The following ATP8A1 variants were observed in gnomAD, a reference collection of about 807,000 sequenced individuals.
The protein encoded by ATP8A1 is ATPase phospholipid transporting 8A1, also known as phospholipid-transporting ATPase IA.
ATP8A1 carries 90 observed loss-of-function variants against 177.7 expected under a neutral mutation model. The ratio of observed to expected loss-of-function variants is 0.51; its 90% CI spans 0.43 to 0.60. The LOEUF (loss-of-function observed/expected upper bound fraction) is 0.60. ATP8A1 is among the 20% of genes least tolerant of loss of function. ATP8A1 has a pLI of 0.00. For synonymous variants in ATP8A1, 493 were observed against 485.9 expected (o/e 1.01, Z -0.19); for missense variants, 1,072 against 1,392.8 (o/e 0.77, Z 3.67).
intron 10 of ATP8A1, among the ~76,000 whole-genome samples, chr4:42,580,962 A>C (rs1732973832): frequency 6.6e-6 from 1 of 152,232 alleles, no homozygotes; most frequent in Admixed American, 6.5e-5. Context: ...CTATTGCATT[A>C]AAATTACAAG....
intron 9 of ATP8A1, among the ~76,000 whole-genome samples, chr4:42,586,110 G>A (rs1272586395): frequency 6.6e-6 from 1 of 152,178 alleles, no homozygotes; most frequent in Non-Finnish European, 1.5e-5. Context: ...GAATATCTCT[G>A]AAAATATCCT....
rs1044278584 is a variant in ATP8A1, at chr4:42,619,182, T to C, written c.364-3104A>G. ...CTCACCAGTATGATTACTTGATTAG[T>C]GTCGATCTCTTCTATTGGATATAAG... On this transcript the variant is annotated intron_variant, in intron 4 of 36. Coordinates refer to ENST00000381668, the MANE Select transcript of ATP8A1 (RefSeq NM_006095.2). Among the ~76,000 whole-genome samples the C allele has an allele frequency of 4.6e-5, 7 of 152,148 alleles. No homozygotes were observed. In the South Asian group the frequency reaches 8.3e-4, roughly 18 times the overall value.
intron 33 of ATP8A1, among the ~76,000 whole-genome samples, chr4:42,439,127 A>C (rs969500780): frequency 2.0e-5 from 3 of 152,144 alleles, no homozygotes; most frequent in African/African-American, 7.2e-5. Flanking sequence ...AAGTTGCTGA[A>C]TTTGTATAAT....
chr4:42,483,852 T>C (rs1024677157), intron 25 of ATP8A1, among the ~76,000 whole-genome samples: 1 of 152,158 alleles, frequency 6.6e-6, no homozygotes, highest in Non-Finnish European at 1.5e-5. Context: ...GAAAGATACA[T>C]GAAGGAGAGC....
intron 14 of ATP8A1, among the ~76,000 whole-genome samples, chr4:42,571,358 T>C (rs1440960879): frequency 1.3e-5 from 2 of 152,296 alleles, no homozygotes; most frequent in African/African-American, 2.4e-5. Flanking sequence ...TTAATACGAA[T>C]TAAATGCCTT....
chr4:42,521,774 T>C (rs993687873), intron 22 of ATP8A1, among the ~76,000 whole-genome samples: 2 of 152,222 alleles, frequency 1.3e-5, no homozygotes, highest in Non-Finnish European at 2.9e-5. Context: ...TACAGTACTA[T>C]TTTATATTGC....
chr4:42,652,112 C>T (rs1741153119), intron 1 of ATP8A1, among the ~76,000 whole-genome samples: 1 of 152,310 alleles, frequency 6.6e-6, no homozygotes, highest in African/African-American at 2.4e-5. Context: ...TTCCAACTAC[C>T]TTTAAAACAT....
intron 22 of ATP8A1, among the ~76,000 whole-genome samples, chr4:42,513,984 T>G (rs1370808596): frequency 6.6e-6 from 1 of 152,218 alleles, no homozygotes; most frequent in Non-Finnish European, 1.5e-5. Flanking sequence ...CTCTGTGTTC[T>G]GCATTCCACT....
rs1712465443 is a variant in ATP8A1, at chr4:42,410,444, A to G, written c.*2472T>C. On this transcript the variant is annotated 3_prime_UTR_variant, in exon 37 of 37. Transcript: ENST00000381668. ...AAAGTCACATTGACTGTTTATTTCA[A>G]TCCTGGTAAAACCATGTGACTTTTT... The G allele has an allele frequency of 6.6e-6, 1 of 152,214 alleles. No individual in the cohort carries two copies. Among genetic ancestry groups the G allele is most frequent in the Non-Finnish European group, 1.5e-5 (1 of 68,022 alleles). The allele number at this position is 152,214 out of a possible 1,614,324, so 9.4% of individuals were successfully genotyped here. A position where few individuals can be genotyped will look rare whatever the true frequency, so the allele number is the denominator to read the frequency against.
chr4:42,633,859 A>C (rs1257822295), intron 1 of ATP8A1, among the ~76,000 whole-genome samples: 3 of 152,162 alleles, frequency 2.0e-5, no homozygotes, highest in African/African-American at 7.2e-5. Flanking sequence ...TGCTGAGTTG[A>C]GACCTTGATG....
intron 35 of ATP8A1, among the ~76,000 whole-genome samples, chr4:42,418,978 GAA>G (rs1347097418): frequency 6.6e-6 from 1 of 152,092 alleles, no homozygotes; most frequent in Non-Finnish European, 1.5e-5. Context: ...CATACTTACT[GAA>G]GATTAAAAAA....
chr4:42,516,743 A>C (rs1267465709), intron 22 of ATP8A1, among the ~76,000 whole-genome samples: 1 of 152,252 alleles, frequency 6.6e-6, no homozygotes, highest in Non-Finnish European at 1.5e-5. Flanking sequence ...ATTAATTTTC[A>C]AAGGAATCTA....
At chr4:42,414,973 A>G (rs1713065585) in intron 35 of ATP8A1, 5 of 452,314 alleles carry the variant, frequency 1.1e-5, no homozygotes, top group East Asian at 3.9e-5. Flanking sequence ...GGATCTCCTC[A>G]CCACCCCCCA....
chr4:42,548,316 T>C (rs983174055), intron 19 of ATP8A1, among the ~76,000 whole-genome samples: 5 of 152,172 alleles, frequency 3.3e-5, no homozygotes, highest in African/African-American at 9.7e-5. Context: ...CTAAACATAA[T>C]TGTGTTTCCA....
chr4:42,601,653 C>A (rs1735289095), intron 5 of ATP8A1, among the ~76,000 whole-genome samples: 2 of 152,046 alleles, frequency 1.3e-5, no homozygotes, highest in African/African-American at 2.4e-5. Context: ...AACAAATTAT[C>A]CAGATGTAAA....
chr4:42,532,816 C>T (rs996232417), intron 20 of ATP8A1, among the ~76,000 whole-genome samples: 3 of 152,170 alleles, frequency 2.0e-5, no homozygotes, highest in East Asian at 1.9e-4. Context: ...ATAGCCTTAA[C>T]GGATGACATT....
chr4:42,478,541 G>T (rs996989082), intron 25 of ATP8A1, among the ~76,000 whole-genome samples: 1 of 146,950 alleles, frequency 6.8e-6, no homozygotes, highest in African/African-American at 2.5e-5. Context: ...GAATGGGACT[G>T]GGGATAAGGG....
chr4:42,619,622 A>AT lies in ATP8A1; in HGVS notation c.364-3545dup, dbSNP rs1737262402. Among the ~76,000 whole-genome samples the AT allele has an allele frequency of 2.0e-5, 3 of 150,972 alleles. No individual in the cohort carries two copies. In the South Asian group the frequency reaches 6.2e-4, roughly 31 times the overall value. ...AATCTATCTATCTACACATATATAT[A>AT]TATATATTTTAAAATTTTAAATCTA... On this transcript the variant is annotated intron_variant, in intron 4 of 36. Coordinates refer to ENST00000381668, the MANE Select transcript of ATP8A1 (RefSeq NM_006095.2).
intron 27 of ATP8A1, among the ~76,000 whole-genome samples, chr4:42,459,783 T>A (rs1433616434): frequency 6.6e-6 from 1 of 152,136 alleles, no homozygotes; most frequent in African/African-American, 2.4e-5. Flanking sequence ...GGTTATTTTT[T>A]TAATTTTTAT....
Sources: gnomAD v4.1 joint callset for allele counts (sites outside exome capture counted in the v4.1 genomes callset) on GRCh38, gnomAD v4.1.1 for gene constraint, MANE v1.5 for transcripts, NCBI Gene and HGNC (gene_info 2026-07-23, HGNC 2026-07-21) for gene names.